Variants in FBXO21 observed in about 807,000 individuals in gnomAD.
The protein encoded by FBXO21 is F-box protein 21, also known as F-box only protein 21.
Under a neutral mutation model 76.6 loss-of-function variants are expected in FBXO21, and 32 were observed. That is an observed-to-expected ratio of 0.42 (90% confidence interval 0.32 to 0.56). FBXO21 has a LOEUF of 0.56. Among genes scored for constraint, FBXO21 ranks in the 20% least tolerant of loss-of-function variants. The pLI, the probability that FBXO21 is intolerant of heterozygous loss-of-function variation, is 0.16. For synonymous variants in FBXO21, 328 were observed against 311.5 expected (o/e 1.05, Z -0.56); for missense variants, 586 against 797.3 (o/e 0.73, Z 3.19).
At chr12:117,165,232 G>C (rs186540181) in intron 9 of FBXO21, among the ~76,000 whole-genome samples, 1 of 152,130 alleles carries the variant, frequency 6.6e-6, no homozygotes. Context: ...GTTGAGTAGC[G>C]GGTACAGAGG....
Position 117,189,370 on chromosome 12 carries a change from G to T in FBXO21, c.240-8C>A, listed in dbSNP as rs373986865. 2 of 1,614,098 alleles carry T rather than the reference G, an allele frequency of 1.2e-6. No individual in the cohort carries two copies. Among genetic ancestry groups the T allele is most frequent in the East Asian group, 2.2e-5 (1 of 44,872 alleles). ...TTCATAAGGGAAGGCCACCTACGAG[G>T]AGAGAAACACCCCCTCAGCTTAACA... is the stretch of plus-strand genomic sequence containing the variant. On this transcript the variant is annotated splice_region_variant and splice_polypyrimidine_tract_variant and intron_variant, in intron 1 of 11. Transcript: ENST00000622495.
chr12:117,187,824 A>G (rs1044795511), intron 2 of FBXO21, among the ~76,000 whole-genome samples: 3 of 152,268 alleles, frequency 2.0e-5, no homozygotes, highest in African/African-American at 7.2e-5. Flanking sequence ...ATGTGCAAAC[A>G]CATTCAGATC....
At chr12:117,188,352 C>T (rs1423925425) in intron 2 of FBXO21, among the ~76,000 whole-genome samples, 1 of 152,114 alleles carries the variant, frequency 6.6e-6, no homozygotes, top group Non-Finnish European at 1.5e-5. Flanking sequence ...CAAGACCAGC[C>T]TGACCAACAT....
intron 9 of FBXO21, among the ~76,000 whole-genome samples, chr12:117,163,338 G>C (rs1956007533): frequency 6.6e-6 from 1 of 151,974 alleles, no homozygotes; most frequent in Admixed American, 6.6e-5. Context: ...TTCAAGACCA[G>C]CCTGGCCAAC....
Position 117,144,283 on chromosome 12 carries a change from G to C in FBXO21, c.*1804C>G, listed in dbSNP as rs1033003917. The C allele has an allele frequency of 6.6e-6, 1 of 152,176 alleles. No homozygotes were observed. The highest frequency in any genetic ancestry group is 6.5e-5 in the Admixed American group (1 of 15,280). The allele number at this position is 152,176 out of a possible 1,614,324, so 9.4% of individuals were successfully genotyped here. A position where few individuals can be genotyped will look rare whatever the true frequency, so the allele number is the denominator to read the frequency against. On this transcript the variant is annotated 3_prime_UTR_variant, in exon 12 of 12. Transcript: ENST00000622495. ...TATTATCAAACTTTCCCCTTTAAAT[G>C]AAAGTAGTGTACAATCCTCCCAACC...
chr12:117,179,189 T>A (rs1453496123), intron 3 of FBXO21, among the ~76,000 whole-genome samples: 1 of 152,204 alleles, frequency 6.6e-6, no homozygotes, highest in Non-Finnish European at 1.5e-5. Context: ...TATATCAATC[T>A]AGAAAATTGT....
At chr12:117,177,915 T>C (rs988187708) in intron 3 of FBXO21, among the ~76,000 whole-genome samples, 2 of 152,224 alleles carry the variant, frequency 1.3e-5, no homozygotes, top group African/African-American at 2.4e-5. Context: ...AAAAAGGAAT[T>C]GAGCTGGGGG....
At chr12:117,172,629 T>C in intron 6 of FBXO21, 22 bp from the exon 7 acceptor site, 2 of 1,607,504 alleles carry the variant, frequency 1.2e-6, no homozygotes, top group East Asian at 4.5e-5. Flanking sequence ...AAAATGCTTT[T>C]ATTTCACTGG....
At chr12:117,153,944 T>A (rs772624098) in intron 11 of FBXO21, among the ~76,000 whole-genome samples, 5 of 152,228 alleles carry the variant, frequency 3.3e-5, no homozygotes, top group Non-Finnish European at 7.3e-5. Flanking sequence ...ACTTCTGAAG[T>A]GAACATATCA....
chr12:117,173,878 T>C (rs1956143896), intron 6 of FBXO21, among the ~76,000 whole-genome samples: 1 of 152,168 alleles, frequency 6.6e-6, no homozygotes. Flanking sequence ...GCACAGTGGC[T>C]CACACCTATA....
intron 11 of FBXO21, among the ~76,000 whole-genome samples, chr12:117,150,442 T>A (rs768111410): frequency 2.6e-5 from 4 of 152,240 alleles, no homozygotes; most frequent in Non-Finnish European, 4.4e-5. Context: ...AGTGTGTCGC[T>A]GCAGTCCTCC....
In FBXO21 at chr12:117,153,921, T is replaced by C. The variant is rs529341286; in HGVS notation, c.1675+1870A>G. On this transcript the variant is annotated intron_variant, in intron 11 of 11. Coordinates refer to ENST00000622495, the MANE Select transcript of FBXO21 (RefSeq NM_015002.3). ...CTTACATTGCATGTTTACCTAGATA[T>C]GATTAGAGATCAACTTCTGAAGTGA... Among the ~76,000 whole-genome samples the C allele has an allele frequency of 4.6e-5, 7 of 152,336 alleles. No homozygotes were observed. The South Asian group carries it at 1.5e-3, about 32-fold the overall frequency.
Position 117,167,051 on chromosome 12 carries a change from A to G in FBXO21, c.1040T>C (p.Ile347Thr), listed in dbSNP as rs756394413. 6.2e-7 allele frequency: 1 copy of G among 1,614,092 alleles called. No individual in the cohort carries two copies. Among genetic ancestry groups the G allele is most frequent in the Non-Finnish European group, 8.5e-7 (1 of 1,180,026 alleles). Residue 347 changes from isoleucine (I) to threonine (T), a missense_variant, in exon 8 of 12, where the codon ATC becomes ACC. By Grantham distance (89) the Ile-to-Thr change is moderately conservative. Transcript: ENST00000622495. ...GCCTTTCCCAAAAGCATCTATGTAG[A>G]TGTAGTCAAAGATGTCCAGGGTCGC... The part of the protein sequence containing the change: ...EGATLDIFDY[I>T]YIDAFGKGKQ...
rs143961397 is a variant in FBXO21 at position 117,146,102 on chromosome 12, C to T, written c.1851G>A (p.Glu617=). 27 of 1,602,426 alleles carry T rather than the reference C, an allele frequency of 1.7e-5. No individual in the cohort carries two copies. Among genetic ancestry groups the T allele is most frequent in the Middle Eastern group, 1.7e-4 (1 of 5,994 alleles). ...TCTCTAGACTTTACTCATCTATGTT[C>T]TCTTTCTTTGCACTGTAAATATTCT... ...TVQNIYSAKK[E]NIDE is the part of the protein sequence containing the mutation. The change falls in exon 12 of 12, where the codon GAG becomes GAA. Residue 617 remains glutamate (E), a synonymous_variant. Coordinates refer to ENST00000622495, the MANE Select transcript of FBXO21 (RefSeq NM_015002.3).
chr12:117,169,159 T>C (rs1956091765), intron 7 of FBXO21, among the ~76,000 whole-genome samples: 1 of 152,170 alleles, frequency 6.6e-6, no homozygotes, highest in African/African-American at 2.4e-5. Flanking sequence ...AAGAACAAGA[T>C]TATGTCCTTT....
rs772635228 is a variant in FBXO21, at chr12:117,186,514, CA to C, written c.432del (p.Phe144LeufsTer9). On this transcript the variant is annotated frameshift_variant, in exon 3 of 12. Coordinates refer to ENST00000622495, the MANE Select transcript of FBXO21 (RefSeq NM_015002.3). LOFTEE classifies it high-confidence loss of function. ...IENLEGPEIF[F>X]EDELVCILNM... ...TTTAGGATACACACCAGTTCATCCT[CA>C]AAAAAAATCTCTGGTCCTTCAAGGT... 3.1e-6 allele frequency: 5 copies of C among 1,611,372 alleles called. No homozygotes were observed. Among genetic ancestry groups the C allele is most frequent in the Non-Finnish European group, 3.4e-6 (4 of 1,178,780 alleles).
intron 2 of FBXO21, among the ~76,000 whole-genome samples, chr12:117,187,083 T>A (rs1426259822): frequency 2.0e-5 from 3 of 151,194 alleles, no homozygotes; most frequent in African/African-American, 7.3e-5. Flanking sequence ...GCCATTGCAC[T>A]CCAGCCTGGG....
intron 1 of FBXO21, among the ~76,000 whole-genome samples, chr12:117,189,661 G>A (rs1162746112): frequency 6.6e-6 from 1 of 152,086 alleles, no homozygotes; most frequent in African/African-American, 2.4e-5. Context: ...CTAGGAGCCG[G>A]GGCCCTGCGT....
At chr12:117,187,531 T>C (rs1381272515) in intron 2 of FBXO21, among the ~76,000 whole-genome samples, 1 of 152,088 alleles carries the variant, frequency 6.6e-6, no homozygotes. Flanking sequence ...CTGTGTGCAT[T>C]CTGAGAACAC....
Sources: gnomAD v4.1 joint callset for allele counts (sites outside exome capture counted in the v4.1 genomes callset) on GRCh38, gnomAD v4.1.1 for gene constraint, MANE v1.5 for transcripts, NCBI Gene and HGNC (gene_info 2026-07-23, HGNC 2026-07-21) for gene names.